Variants in SIL1 observed in about 807,000 individuals in gnomAD.
SIL1 encodes the protein nucleotide exchange factor SIL1.
Under a neutral mutation model 49.1 loss-of-function variants are expected in SIL1, and 40 were observed. The ratio of observed to expected loss-of-function variants is 0.81; its 90% CI spans 0.63 to 1.06. The LOEUF (loss-of-function observed/expected upper bound fraction) is 1.06. Ranked by LOEUF, SIL1 falls within the 50% of genes least tolerant of loss-of-function variation. The pLI is 0.00. For synonymous variants in SIL1, 253 were observed against 250.8 expected (o/e 1.01, Z -0.08); for missense variants, 500 against 572.6 (o/e 0.87, Z 1.29).
chr5:139,074,441 A>G (rs1264050495), intron 3 of SIL1, among the ~76,000 whole-genome samples: 2 of 152,262 alleles, frequency 1.3e-5, no homozygotes, highest in African/African-American at 4.8e-5. Flanking sequence ...ATACATAAAT[A>G]AAAATATAAA....
At chr5:138,960,076 T>C (rs1766985240) in intron 7 of SIL1, among the ~76,000 whole-genome samples, 1 of 152,256 alleles carries the variant, frequency 6.6e-6, no homozygotes, top group African/African-American at 2.4e-5. Flanking sequence ...TGGTGAATTT[T>C]TGTTTTAAAC....
At chr5:139,076,328 T>C (rs1769947246) in intron 3 of SIL1, among the ~76,000 whole-genome samples, 1 of 152,236 alleles carries the variant, frequency 6.6e-6, no homozygotes, top group Non-Finnish European at 1.5e-5. Flanking sequence ...AGTTATCTAT[T>C]ACTCTGGTAT....
At chr5:138,992,830 GCAACTAAA>G (rs1430730747) in intron 7 of SIL1, among the ~76,000 whole-genome samples, 1 of 151,830 alleles carries the variant, frequency 6.6e-6, no homozygotes, top group East Asian at 1.9e-4. Context: ...ACTTATCCAG[GCAACTAAA>G]CACCACCTGT....
chr5:139,170,485 TC>T (rs534385339), intron 1 of SIL1, among the ~76,000 whole-genome samples: 136 of 131,168 alleles, frequency 1.0e-3, no homozygotes, highest in African/African-American at 4.0e-3. Flanking sequence ...CGGCCGCCCA[TC>T]GTCTGAGATG....
intron 3 of SIL1, among the ~76,000 whole-genome samples, chr5:139,095,370 T>C (rs953861683): frequency 1.3e-5 from 2 of 151,694 alleles, no homozygotes; most frequent in African/African-American, 4.9e-5. Flanking sequence ...TTCAAACAAT[T>C]CTCGTGCCTC....
intron 3 of SIL1, among the ~76,000 whole-genome samples, chr5:139,071,012 A>C (rs1769820282): frequency 6.6e-6 from 1 of 152,156 alleles, no homozygotes; most frequent in African/African-American, 2.4e-5. Context: ...ATGAAAGAGC[A>C]CAAAACTGCC....
intron 3 of SIL1, among the ~76,000 whole-genome samples, chr5:139,075,395 G>C (rs1769927237): frequency 6.6e-6 from 1 of 152,088 alleles, no homozygotes; most frequent in Admixed American, 6.5e-5. Context: ...CTCTATAGAG[G>C]AAAAGCAATA....
chr5:139,080,068 TG>T (rs1437680509), intron 3 of SIL1, among the ~76,000 whole-genome samples: 1 of 151,200 alleles, frequency 6.6e-6, no homozygotes, highest in Non-Finnish European at 1.5e-5. Flanking sequence ...TTACTGGGGG[TG>T]GGGGGTGGCA....
intron 7 of SIL1, among the ~76,000 whole-genome samples, chr5:138,991,286 C>T (rs921694686): frequency 1.3e-5 from 2 of 152,170 alleles, no homozygotes; most frequent in Non-Finnish European, 2.9e-5. Context: ...AGAATAAAAG[C>T]TGAGAGAAAA....
At chr5:139,144,991 A>T (rs1026894488) in intron 1 of SIL1, among the ~76,000 whole-genome samples, 6 of 152,246 alleles carry the variant, frequency 3.9e-5, no homozygotes, top group African/African-American at 1.4e-4. Context: ...TAAAAGAAAA[A>T]TAAATTGAAC....
At position 139,026,978 on chromosome 5, in the gene SIL1, C is replaced by G; in HGVS notation, c.468G>C (p.Glu156Asp). The G allele has an allele frequency of 6.2e-7, 1 of 1,614,162 alleles. No homozygotes were observed. Among genetic ancestry groups the G allele is most frequent in the Middle Eastern group, 1.6e-4 (1 of 6,062 alleles). The change falls in exon 6 of 10, where the codon GAG becomes GAC. Residue 156 changes from glutamate (E) to aspartate (D), a missense_variant. Coordinates refer to ENST00000394817, the MANE Select transcript of SIL1 (RefSeq NM_022464.5). ...CAATGGGGCGGAAGAGCCGCTTTAC[C>G]TCAGCCTGCCTTGCCTAAGGAGAGC... ...SSKEDKARQA[E>D]VKRLFRPIEE...
intron 9 of SIL1, among the ~76,000 whole-genome samples, chr5:138,949,798 C>CAAAAAAAAAAAAA (rs5871689): frequency 1.2e-5 from 1 of 83,318 alleles, no homozygotes; most frequent in Non-Finnish European, 2.6e-5. Context: ...GACCCTGTCT[C>CAAAAAAAAAAAAA]AAAAAAAAAA....
chr5:139,016,852 T>C (rs1768411997), intron 7 of SIL1: 2 of 152,124 alleles, frequency 1.3e-5, no homozygotes, highest in African/African-American at 4.8e-5. Context: ...GTCTACTCTT[T>C]TTTTTTTCCC....
chr5:138,946,928 C>G lies in SIL1; in HGVS notation c.*189G>C. On this transcript the variant is annotated 3_prime_UTR_variant, in exon 10 of 10. Coordinates refer to ENST00000394817, the MANE Select transcript of SIL1 (RefSeq NM_022464.5). ...CAGCAGAGCCCATCACCCAACCACT[C>G]ACCTGACCCCCCGGCCACAGGGCTG... 1.6e-6 allele frequency: 1 copy of G among 632,950 alleles called. No individual in the cohort carries two copies. The highest frequency in any genetic ancestry group is 1.8e-5 in the South Asian group (1 of 55,888). 39.2% of individuals were successfully genotyped at this position (632,950 alleles called of 1,614,324 possible). A position where few individuals can be genotyped will look rare whatever the true frequency, so the allele number is the denominator to read the frequency against.
intron 7 of SIL1, among the ~76,000 whole-genome samples, chr5:138,974,255 C>A (rs1378219175): frequency 8.5e-5 from 13 of 152,180 alleles, no homozygotes; most frequent in Non-Finnish European, 1.5e-4. Flanking sequence ...TCCTCTTGGG[C>A]TCTCCTGCCT....
intron 4 of SIL1, among the ~76,000 whole-genome samples, chr5:139,049,129 T>C (rs1769233335): frequency 6.6e-6 from 1 of 152,198 alleles, no homozygotes; most frequent in African/African-American, 2.4e-5. Flanking sequence ...GAAGTGAGTC[T>C]CTAGGACCTC....
intron 2 of SIL1, among the ~76,000 whole-genome samples, chr5:139,125,817 C>T (rs976984386): frequency 6.6e-6 from 1 of 152,208 alleles, no homozygotes; most frequent in African/African-American, 2.4e-5. Flanking sequence ...CCACCTTTTT[C>T]AAGGCCAGTA....
chr5:139,101,707 T>C (rs1205234885), intron 3 of SIL1, among the ~76,000 whole-genome samples: 1 of 152,178 alleles, frequency 6.6e-6, no homozygotes, highest in Non-Finnish European at 1.5e-5. Flanking sequence ...TCTCCTCCAT[T>C]TGATTCTGGG....
chr5:139,029,742 A>G (rs1008359425), intron 5 of SIL1, among the ~76,000 whole-genome samples: 2 of 151,632 alleles, frequency 1.3e-5, no homozygotes, highest in Non-Finnish European at 2.9e-5. Flanking sequence ...CAAGCGATCC[A>G]CCCACCTCAG....
Sources: gnomAD v4.1 joint callset for allele counts (sites outside exome capture counted in the v4.1 genomes callset) on GRCh38, gnomAD v4.1.1 for gene constraint, MANE v1.5 for transcripts, NCBI Gene and HGNC (gene_info 2026-07-23, HGNC 2026-07-21) for gene names.